The following SIDT2 variants were observed in gnomAD, a reference collection of about 807,000 sequenced individuals.
SIDT2 encodes SID1 transmembrane family member 2, also known as SID1 transmembrane family, member 2.
In SIDT2, 68 loss-of-function variants were observed where a neutral mutation model predicts 114.4. That is an observed-to-expected ratio of 0.59 (90% CI 0.49 to 0.73). SIDT2 has a LOEUF of 0.73. SIDT2 is among the 30% of genes least tolerant of loss of function. SIDT2 has a pLI of 0.00. For missense variants in SIDT2, 918 were observed against 1,097.1 expected (o/e 0.84, Z 2.31); for synonymous variants, 470 against 438.4 (o/e 1.07, Z -0.90).
At position 117,181,565 on chromosome 11, in the gene SIDT2, C is replaced by T. The variant is rs764144161; in HGVS notation, c.305+28C>T. The stretch of plus-strand genomic sequence containing the variant: ...GAGTAGGATCTGGGCATCAGGGAAG[C>T]GGGGCAGCCTAGGCCAGTCCTTGGC... On this transcript the variant is annotated intron_variant, in intron 2 of 25. Transcript: ENST00000324225. 1.1e-5 allele frequency: 18 copies of T among 1,613,402 alleles called. No homozygotes were observed. The East Asian group carries it at 1.6e-4, about 14-fold the overall frequency.
chr11:117,191,649 C>A, intron 18 of SIDT2: 1 of 585,136 alleles, frequency 1.7e-6, no homozygotes, highest in Non-Finnish European at 3.0e-6. Context: ...CCAAGTTGTC[C>A]CTGTTTTCAG....
chr11:117,180,251 G>A (rs945551145), intron 1 of SIDT2, among the ~76,000 whole-genome samples: 2 of 152,266 alleles, frequency 1.3e-5, no homozygotes, highest in Admixed American at 6.5e-5. Context: ...TTTTCAGAAC[G>A]GGGAGTGGTT....
At position 117,181,530 on chromosome 11, in the gene SIDT2, C is replaced by G. The variant is rs1203488761; in HGVS notation, c.298C>G (p.Arg100Gly). The G allele has an allele frequency of 5.6e-6, 9 of 1,613,694 alleles. No individual in the cohort carries two copies. In the African/African-American group the frequency reaches 1.2e-4, roughly 22 times the overall value. The change falls in exon 2 of 26, where the codon CGA becomes GGA. Residue 100 changes from arginine to glycine, a missense_variant. Around this residue, in one of 4 missense-constraint regions of SIDT2, gnomAD observed 553 missense variants for 600.1 expected, o/e 0.92. Transcript: ENST00000324225. ...VVSFQVPLIL[R>G]GMFQRKYLYQ... Reference sequence around the variant, plus strand: ...GTCCTTCCAGGTGCCCCTAATCCTGCGAGGGATGTGAGTAGGATCTGGGCA... The same window carrying G: ...GTCCTTCCAGGTGCCCCTAATCCTGGGAGGGATGTGAGTAGGATCTGGGCA...
At position 117,190,318 on chromosome 11, in the gene SIDT2, G is replaced by A. The variant is rs1004050727; in HGVS notation, c.1617+29G>A. 5 of 1,525,740 alleles carry A rather than the reference G, an allele frequency of 3.3e-6. No individual in the cohort carries two copies. In the African/African-American group the frequency reaches 5.6e-5, roughly 17 times the overall value. The allele number at this position is 1,525,740 out of a possible 1,614,324, so 94.5% of individuals were successfully genotyped here. A position where few individuals can be genotyped will look rare whatever the true frequency, so the allele number is the denominator to read the frequency against. On this transcript the variant is annotated intron_variant, in intron 17 of 25. Coordinates refer to ENST00000324225, the MANE Select transcript of SIDT2 (RefSeq NM_001040455.2). This position sits in a 1 kb window ranked among gnomAD's most constrained non-coding sequence, Gnocchi z 4.1. Reference sequence around the variant, plus strand: ...AGGGAGCACCTGCCTGCCTGCCGCAGCCTCAGCTCCAGCACAGACCTCAAG... The same window carrying A: ...AGGGAGCACCTGCCTGCCTGCCGCAACCTCAGCTCCAGCACAGACCTCAAG...
chr11:117,186,280 G>T (rs182068673), intron 9 of SIDT2, 57 bp downstream of exon 9: 1 of 1,461,908 alleles, frequency 6.8e-7, no homozygotes, highest in African/African-American at 1.4e-5. Context: ...GGTGTGTGGG[G>T]CAGATCACCT....
intron 23 of SIDT2, 129 bp downstream of exon 23, chr11:117,193,387 T>G (rs1289128435): frequency 1.1e-5 from 9 of 835,420 alleles, no homozygotes; most frequent in Non-Finnish European, 1.7e-5. Flanking sequence ...GGGGAGAGGC[T>G]AAAGCCTCTT....
intron 12 of SIDT2, 70 bp downstream of exon 12, chr11:117,187,769 G>T (rs1440574408): frequency 6.7e-7 from 1 of 1,492,494 alleles, no homozygotes; most frequent in Admixed American, 1.7e-5. Flanking sequence ...GTCACGGTGG[G>T]CGGTTGCCTC....
In SIDT2 at chr11:117,181,989, A is replaced by T; in HGVS notation, c.470+18A>T. 1 of 1,614,022 alleles carries T rather than the reference A, an allele frequency of 6.2e-7. No homozygotes were observed. ...GTGCTCAGGTCTGCAGGGTAGAGTGAGGGGACCACGGGGGCTGGTTCTTCC... is the reference window on the plus strand; with the variant it reads ...GTGCTCAGGTCTGCAGGGTAGAGTGTGGGGACCACGGGGGCTGGTTCTTCC... On this transcript the variant is annotated intron_variant, in intron 3 of 25. Coordinates refer to ENST00000324225, the MANE Select transcript of SIDT2 (RefSeq NM_001040455.2).
At chr11:117,187,774 T>G in intron 12 of SIDT2, 75 bp downstream of exon 12, 1 of 1,410,198 alleles carries the variant, frequency 7.1e-7, no homozygotes, top group Non-Finnish European at 1.0e-6. Context: ...GGTGGGCGGT[T>G]GCCTCTTCTG....
chr11:117,186,841 G>A, intron 10 of SIDT2: 1 of 1,029,932 alleles, frequency 9.7e-7, no homozygotes, highest in Non-Finnish European at 1.5e-6. Context: ...CTGAGGTGTT[G>A]CTTGGTTTAT....
At chr11:117,191,598 G>T (rs2030703746) in intron 18 of SIDT2, 1 of 409,378 alleles carries the variant, frequency 2.4e-6, no homozygotes, top group Non-Finnish European at 4.4e-6. Context: ...AAAATAAAAG[G>T]GAGTCCCTGA....
chr11:117,190,231 T>G lies in SIDT2; in HGVS notation c.1559T>G (p.Ile520Ser). 1 of 1,578,492 alleles carries G rather than the reference T, an allele frequency of 6.3e-7. No individual in the cohort carries two copies. The highest frequency in any genetic ancestry group is 8.6e-7 in the Non-Finnish European group (1 of 1,162,582). The part of the protein sequence containing the change: ...ILLGLLFLLI[I>S]LQREINHNRA... ...CTGGGGCTGCTTTTCCTGCTCATCATCCTGCAACGGGAGATCAACCACAAC... is the reference window on the plus strand; with the variant it reads ...CTGGGGCTGCTTTTCCTGCTCATCAGCCTGCAACGGGAGATCAACCACAAC... Residue 520 changes from isoleucine to serine, a missense_variant, in exon 17 of 26, where the codon ATC (isoleucine) becomes AGC (serine). Transcript: ENST00000324225. This position sits in a 1 kb window ranked among gnomAD's most constrained non-coding sequence, Gnocchi z 4.1.
Position 117,191,832 on chromosome 11 carries a change from G to A in SIDT2, c.1736-46G>A, listed in dbSNP as rs189645981. The A allele has an allele frequency of 7.5e-6, 12 of 1,603,370 alleles. No homozygotes were observed. In the East Asian group the frequency reaches 2.7e-4, roughly 36 times the overall value. ...TTGGGGCCAGGAGTTCTCTGCTGGG[G>A]CTTGGTGGCCATTTCTGCAGCTCCC... On this transcript the variant is annotated intron_variant, in intron 18 of 25. Coordinates refer to ENST00000324225, the MANE Select transcript of SIDT2 (RefSeq NM_001040455.2).
chr11:117,181,024 G>A (rs147862819), intron 1 of SIDT2, among the ~76,000 whole-genome samples: 255 of 152,286 alleles, frequency 1.7e-3, no homozygotes, highest in African/African-American at 5.9e-3. Context: ...AGGTTGAGGA[G>A]CACTTCTTGT....
rs2030461974 is a variant in SIDT2 at position 117,185,546 on chromosome 11, C to T, written c.869-584C>T. Among the ~76,000 whole-genome samples the T allele has an allele frequency of 3.3e-5, 5 of 152,204 alleles. No individual in the cohort carries two copies. The South Asian group carries it at 1.0e-3, about 32-fold the overall frequency. ...GACAGAGAAAGCTTCCTAGAGGACA[C>T]AGTCCCTGAGCTGTGGTTTGAGGGT... On this transcript the variant is annotated intron_variant, in intron 8 of 25. Coordinates refer to ENST00000324225, the MANE Select transcript of SIDT2 (RefSeq NM_001040455.2).
chr11:117,189,554 A>G (rs1221936346), intron 15 of SIDT2, 153 bp downstream of exon 15: 2 of 762,722 alleles, frequency 2.6e-6, no homozygotes, highest in Non-Finnish European at 4.3e-6. Flanking sequence ...GGCAAATCAC[A>G]TAACCCCCCC....
rs368022044 is a variant in SIDT2 at position 117,193,022 on chromosome 11, G to C, written c.2106-131G>C. ...GCCTCTCTTCTCTCTCTTGGCATCT[G>C]GGCTTCTAGAATCTTCTGTGGGCTT... On this transcript the variant is annotated intron_variant, in intron 22 of 25. Coordinates refer to ENST00000324225, the MANE Select transcript of SIDT2 (RefSeq NM_001040455.2). 7.7e-5 allele frequency: 102 copies of C among 1,321,642 alleles called. 2 individuals are homozygous for C. The highest frequency in any genetic ancestry group is 4.6e-4 in the East Asian group (20 of 43,512). 81.9% of individuals were successfully genotyped at this position (1,321,642 alleles called of 1,614,324 possible). A position where few individuals can be genotyped will look rare whatever the true frequency, so the allele number is the denominator to read the frequency against.
intron 7 of SIDT2, 93 bp downstream of exon 7, chr11:117,183,971 G>A: frequency 6.6e-7 from 1 of 1,513,928 alleles, no homozygotes; most frequent in South Asian, 1.1e-5. Context: ...TGGTGGACCT[G>A]ATAGGACATG....
At chr11:117,184,185 C>T (rs2030407453) in intron 8 of SIDT2, 46 bp downstream of exon 8, 2 of 1,579,796 alleles carry the variant, frequency 1.3e-6, no homozygotes, top group South Asian at 1.1e-5. Context: ...GCCTCTCTGG[C>T]TCCTGCTTTC....
Sources: allele counts gnomAD v4.1 joint callset (sites outside exome capture counted in the v4.1 genomes callset), GRCh38; gene constraint gnomAD v4.1.1; regional missense constraint gnomAD v4.1.1; non-coding constraint Gnocchi (gnomAD v3.1); transcripts MANE v1.5; gene names NCBI Gene and HGNC (gene_info 2026-07-23, HGNC 2026-07-21).